GCNT2: variants seen among roughly 807,000 people sequenced by gnomAD.
The protein encoded by GCNT2 is N-acetyllactosaminide beta-1,6-N-acetylglucosaminyl-transferase.
Under a neutral mutation model 34.2 loss-of-function variants are expected in GCNT2, and 34 were observed. That is an observed-to-expected ratio of 1.00 (90% CI 0.76 to 1.32). The LOEUF (loss-of-function observed/expected upper bound fraction) is 1.32, where lower values mean the gene tolerates loss of function less well. Among genes scored for constraint, GCNT2 ranks in the 40% most tolerant of loss-of-function variants. The pLI, the probability that GCNT2 is intolerant of heterozygous loss-of-function variation, is 0.00. For synonymous variants in GCNT2, 212 were observed against 188.0 expected (o/e 1.13, Z -1.04); for missense variants, 584 against 489.4 (o/e 1.19, Z -1.82).
chr6:10,535,450 G>T (rs1761711723), intron 3 of GCNT2, among the ~76,000 whole-genome samples: 2 of 152,188 alleles, frequency 1.3e-5, no homozygotes, highest in South Asian at 4.1e-4. Flanking sequence ...ATGCCTTTTA[G>T]TTTCTTGTGT....
intron 3 of GCNT2, chr6:10,556,811 G>A (rs748020006): frequency 6.2e-7 from 1 of 1,614,144 alleles, no homozygotes; most frequent in Non-Finnish European, 8.5e-7. Flanking sequence ...GGATGAAAAA[G>A]CAACAACTGA....
intron 3 of GCNT2, among the ~76,000 whole-genome samples, chr6:10,599,642 G>C (rs1462364142): frequency 6.6e-6 from 1 of 152,184 alleles, no homozygotes; most frequent in African/African-American, 2.4e-5. Context: ...CTCTCCAAGA[G>C]TAGGGGGCTC....
At chr6:10,544,744 G>C (rs933334741) in intron 3 of GCNT2, among the ~76,000 whole-genome samples, 2 of 151,600 alleles carry the variant, frequency 1.3e-5, no homozygotes, top group Non-Finnish European at 2.9e-5. Flanking sequence ...AGGAGTTCGA[G>C]ACCAGCCTGG....
In GCNT2 at chr6:10,582,503, A is replaced by ATT. The variant is rs1466117341; in HGVS notation, c.926-38848_926-38847insTT. Among the ~76,000 whole-genome samples the ATT allele has an allele frequency of 2.3e-3, 279 of 121,846 alleles. 2 individuals are homozygous for ATT. Among genetic ancestry groups the ATT allele is most frequent in the Middle Eastern group, 4.1e-3 (1 of 246 alleles). 79.9% of individuals were successfully genotyped at this position (121,846 alleles called of 152,430 possible). A position where few individuals can be genotyped will look rare whatever the true frequency, so the allele number is the denominator to read the frequency against. On this transcript the variant is annotated intron_variant, in intron 3 of 4. Transcript: ENST00000495262. ...TAATATATACTATAATATATAATAT[A>ATT]ATACATCATATATTATATTATACAT...
chr6:10,601,781 A>G (rs1365944857), intron 3 of GCNT2, among the ~76,000 whole-genome samples: 2 of 152,116 alleles, frequency 1.3e-5, no homozygotes, highest in Admixed American at 1.3e-4. Flanking sequence ...TCTCTACTAA[A>G]AATACAAAAA....
chr6:10,571,166 G>A (rs1393237960), intron 3 of GCNT2, among the ~76,000 whole-genome samples: 1 of 152,048 alleles, frequency 6.6e-6, no homozygotes, highest in Non-Finnish European at 1.5e-5. Context: ...ACATTTTTTA[G>A]CCTCACTGCC....
At chr6:10,576,152 G>A (rs1763799853) in intron 3 of GCNT2, among the ~76,000 whole-genome samples, 1 of 152,050 alleles carries the variant, frequency 6.6e-6, no homozygotes, top group Non-Finnish European at 1.5e-5. Context: ...TTACAGGCGT[G>A]AGCCACCACG....
intron 3 of GCNT2, among the ~76,000 whole-genome samples, chr6:10,578,069 T>C (rs1007077315): frequency 2.6e-5 from 4 of 152,138 alleles, no homozygotes; most frequent in African/African-American, 9.7e-5. Context: ...GTACCTCTGC[T>C]CTGCACTGCT....
chr6:10,604,879 G>GAGAA (rs1554136753), intron 3 of GCNT2, among the ~76,000 whole-genome samples: 2 of 148,650 alleles, frequency 1.3e-5, no homozygotes, highest in Non-Finnish European at 3.0e-5. Context: ...AAAAGAAAAA[G>GAGAA]AAAGAAAAAT....
intron 3 of GCNT2, among the ~76,000 whole-genome samples, chr6:10,614,828 G>A (rs751945908): frequency 7.9e-5 from 12 of 152,062 alleles, no homozygotes; most frequent in African/African-American, 2.7e-4. Context: ...GGCCACCCTT[G>A]CATTGGGAAT....
intron 3 of GCNT2, among the ~76,000 whole-genome samples, chr6:10,530,623 C>T (rs906616672): frequency 1.3e-5 from 2 of 152,060 alleles, no homozygotes; most frequent in Non-Finnish European, 2.9e-5. Context: ...GTAATCCCAG[C>T]GCTTTGGAAG....
chr6:10,551,365 T>A (rs1762469703), intron 3 of GCNT2, among the ~76,000 whole-genome samples: 1 of 151,902 alleles, frequency 6.6e-6, no homozygotes. Context: ...GTCTTTAAAA[T>A]TCTGCATGTT....
chr6:10,611,873 T>C lies in GCNT2; in HGVS notation c.926-9478T>C, dbSNP rs559609483. 3.3e-5 allele frequency among the ~76,000 whole-genome samples: 5 copies of C among 152,260 alleles called. No homozygotes were observed. The East Asian group carries it at 9.6e-4, about 29-fold the overall frequency. On this transcript the variant is annotated intron_variant, in intron 3 of 4. Transcript: ENST00000495262. Reference sequence around the variant, plus strand: ...CAATACAACATTAAAGAAAGTTTTATAAGTAAGGAAAACACTGGTATTTCC... The same window carrying C: ...CAATACAACATTAAAGAAAGTTTTACAAGTAAGGAAAACACTGGTATTTCC...
At chr6:10,552,584 A>C (rs1457423755) in intron 3 of GCNT2, among the ~76,000 whole-genome samples, 2 of 152,124 alleles carry the variant, frequency 1.3e-5, no homozygotes, top group East Asian at 3.9e-4. Flanking sequence ...TAAGTAATTT[A>C]GAGATGATTT....
At chr6:10,534,329 A>G (rs1431868306) in intron 3 of GCNT2, among the ~76,000 whole-genome samples, 2 of 151,386 alleles carry the variant, frequency 1.3e-5, no homozygotes, top group Non-Finnish European at 2.9e-5. Flanking sequence ...TTTAGTAGAG[A>G]CGGGGTTTCA....
At chr6:10,564,225 T>C (rs1454068163) in intron 3 of GCNT2, among the ~76,000 whole-genome samples, 3 of 152,104 alleles carry the variant, frequency 2.0e-5, no homozygotes, top group Non-Finnish European at 4.4e-5. Flanking sequence ...ATTTTGCAAA[T>C]ATGAAGACGG....
chr6:10,569,889 C>T (rs1403574916), intron 3 of GCNT2, among the ~76,000 whole-genome samples: 8 of 145,578 alleles, frequency 5.5e-5, no homozygotes, highest in Admixed American at 2.7e-4. Context: ...CTTTCTTTTT[C>T]TTTCTTTCCT....
chr6:10,595,558 T>TGA (rs34660468), intron 3 of GCNT2, among the ~76,000 whole-genome samples: 28,073 of 152,094 alleles, frequency 0.18, 3,164 homozygotes, highest in African/African-American at 0.32. Context: ...ATTACAGGCG[T>TGA]GCCACTCTGC....
At chr6:10,536,565 AGGATGG>A (rs1761763709) in intron 3 of GCNT2, among the ~76,000 whole-genome samples, 1 of 151,736 alleles carries the variant, frequency 6.6e-6, no homozygotes, top group African/African-American at 2.4e-5. Context: ...CATGTTGGCC[AGGATGG>A]TGTTGATCTC....
Sources: allele counts gnomAD v4.1 joint callset (sites outside exome capture counted in the v4.1 genomes callset), GRCh38; gene constraint gnomAD v4.1.1; transcripts MANE v1.5; gene names NCBI Gene and HGNC (gene_info 2026-07-23, HGNC 2026-07-21).